SETD7: variants seen among roughly 807,000 people sequenced by gnomAD.
The protein encoded by SETD7 is histone-lysine N-methyltransferase SETD7.
A neutral mutation model predicts 41.8 loss-of-function variants in SETD7; 16 were observed. That is an observed-to-expected ratio of 0.38 (90% CI 0.26 to 0.58). The LOEUF (loss-of-function observed/expected upper bound fraction) is 0.58, where lower values mean the gene tolerates loss of function less well. Ranked by LOEUF, SETD7 falls within the 20% of genes least tolerant of loss-of-function variation. SETD7 has a pLI of 0.64. For synonymous variants in SETD7, 163 were observed against 169.7 expected, an observed-to-expected ratio of 0.96 and a Z score of 0.31; for missense variants, 346 against 459.7, an observed-to-expected ratio of 0.75 and a Z score of 2.26.
At chr4:139,533,973 G>GTATGTATGTATGTATGTATGTATA (rs1404500627) in intron 2 of SETD7, among the ~76,000 whole-genome samples, 19 of 151,814 alleles carry the variant, frequency 1.3e-4, no homozygotes, top group Non-Finnish European at 2.5e-4. Flanking sequence ...ATCTATGTAT[G>GTATGTATGTATGTATGTATGTATA]TATGTATGTA....
intron 1 of SETD7, among the ~76,000 whole-genome samples, chr4:139,551,586 C>T (rs964165994): frequency 1.3e-5 from 2 of 151,966 alleles, no homozygotes; most frequent in Admixed American, 6.6e-5. Context: ...AGTAAATTCC[C>T]TCTGGATCAG....
rs141988823 is a variant in SETD7, at chr4:139,523,358, C to T, written c.640G>A (p.Glu214Lys). The T allele has an allele frequency of 2.7e-3, 4,273 of 1,609,534 alleles. 12 individuals are homozygous for T. Among genetic ancestry groups the T allele is most frequent in the Middle Eastern group, 5.8e-3 (35 of 6,056 alleles). ...AAACCCCAAGGAGGAAATTACCTTT[C>T]TGATTCATAAGGATCTGGAAGAAGA... The part of the protein sequence containing the change: ...NALLPDPYES[E>K]RVYVAESLIS... Residue 214 changes from glutamate (E) to lysine (K), a missense_variant, in exon 5 of 8, where the codon GAA (glutamate) becomes AAA (lysine). By Grantham distance (56) the Glu-to-Lys change is moderately conservative. This residue lies in a region of SETD7 where 266 missense variants were observed against 377.0 expected (regional missense o/e 0.71). Coordinates refer to ENST00000274031, the MANE Select transcript of SETD7 (RefSeq NM_030648.4).
At chr4:139,533,991 ATATC>A (rs1353161915) in intron 2 of SETD7, among the ~76,000 whole-genome samples, 1 of 150,752 alleles carries the variant, frequency 6.6e-6, no homozygotes, top group Non-Finnish European at 1.5e-5. Flanking sequence ...GTATGTATGT[ATATC>A]TATGTATATA....
chr4:139,511,678 G>A lies in SETD7; in HGVS notation c.1086C>T (p.Ala362=). The change falls in exon 8 of 8, where the codon GCC becomes GCT. Residue 362 remains alanine, a synonymous_variant. Transcript: ENST00000274031. ...GCCAGGCCTTTCACTTTTGCTGGGT[G>A]GCCTGGAAGGCCTTCAGCTCCACCT... is the stretch of plus-strand genomic sequence containing the variant. ...WYQVELKAFQ[A]TQQK is the part of the protein sequence containing the mutation. 1 of 1,613,330 alleles carries A rather than the reference G, an allele frequency of 6.2e-7. No individual in the cohort carries two copies. Among genetic ancestry groups the A allele is most frequent in the Non-Finnish European group, 8.5e-7 (1 of 1,179,798 alleles).
intron 1 of SETD7, among the ~76,000 whole-genome samples, chr4:139,550,329 A>G (rs1459117979): frequency 6.6e-6 from 1 of 152,196 alleles, no homozygotes; most frequent in Non-Finnish European, 1.5e-5. Context: ...ACTCCCTATC[A>G]TTCTGAAGGC....
At chr4:139,524,753 G>A (rs1336655514) in intron 4 of SETD7, among the ~76,000 whole-genome samples, 3 of 152,158 alleles carry the variant, frequency 2.0e-5, no homozygotes, top group Non-Finnish European at 4.4e-5. Flanking sequence ...TGAATGGATT[G>A]GATCTGAGAG....
intron 1 of SETD7, 104 bp from the exon 2 acceptor site, chr4:139,547,153 C>G: frequency 7.0e-7 from 1 of 1,422,974 alleles, no homozygotes. Flanking sequence ...ACCCAACTCC[C>G]CTCCAGCTGC....
At chr4:139,495,792 T>C (rs1726443384), downstream of SETD7, 1 of 152,244 alleles carries the variant, frequency 6.6e-6, no homozygotes, top group African/African-American at 2.4e-5. Context: ...TGTTTAATGA[T>C]CTCTGATATA....
intron 2 of SETD7, among the ~76,000 whole-genome samples, chr4:139,545,189 C>CT (rs368265854): frequency 3.4e-4 from 51 of 148,512 alleles, no homozygotes; most frequent in East Asian, 5.9e-4. Context: ...GTGATACCAA[C>CT]TTTTTTTTTT....
chr4:139,525,585 G>T (rs1018119927), intron 4 of SETD7, among the ~76,000 whole-genome samples: 2 of 152,306 alleles, frequency 1.3e-5, no homozygotes, highest in African/African-American at 4.8e-5. Context: ...AGTGGCATAG[G>T]TGAGAAACTC....
Position 139,523,429 on chromosome 4 carries a change from A to G in SETD7, c.569T>C (p.Val190Ala). ...PHFELMPGNS[V>A]YHFDKSTSSC... ...TGAAGTCGACTTATCAAAGTGGTAC[A>G]CTGAATCTGAAAAGCAAACAAAAAT... Residue 190 changes from valine (V) to alanine (A), a missense_variant, in exon 5 of 8, where the codon GTG becomes GCG. Val to Ala is a moderately conservative substitution (Grantham distance 64, BLOSUM62 0). This residue lies in a region of SETD7 where 266 missense variants were observed against 377.0 expected (regional missense o/e 0.71). Transcript: ENST00000274031. 3.1e-6 allele frequency: 5 copies of G among 1,611,884 alleles called. No homozygotes were observed. Among genetic ancestry groups the G allele is most frequent in the South Asian group, 1.1e-5 (1 of 90,882 alleles).
chr4:139,530,157 C>T (rs1374663726), intron 3 of SETD7, among the ~76,000 whole-genome samples: 2 of 151,888 alleles, frequency 1.3e-5, no homozygotes, highest in African/African-American at 2.4e-5. Context: ...TTCTTTCTTT[C>T]TTTCTTTTTT....
intron 3 of SETD7, among the ~76,000 whole-genome samples, chr4:139,532,225 T>C (rs1727500555): frequency 6.6e-6 from 1 of 152,208 alleles, no homozygotes; most frequent in African/African-American, 2.4e-5. Flanking sequence ...GTGGATTGCT[T>C]GAGCCCAGGA....
Position 139,511,582 on chromosome 4 carries a change from C to A in SETD7, c.*81G>T, listed in dbSNP as rs574124605. 1 of 1,598,102 alleles carries A rather than the reference C, an allele frequency of 6.3e-7. No homozygotes were observed. The highest frequency in any genetic ancestry group is 1.1e-5 in the South Asian group (1 of 87,984). On this transcript the variant is annotated 3_prime_UTR_variant, in exon 8 of 8. Transcript: ENST00000274031. The stretch of plus-strand genomic sequence containing the variant: ...TGTGACGTCACAGCATGAGCAGTCC[C>A]TGGTTGTCCCATTGTCAGATAAACG...
chr4:139,500,380 C>T (rs867945976), intron 7 of SETD7, among the ~76,000 whole-genome samples: 1 of 152,178 alleles, frequency 6.6e-6, no homozygotes, highest in South Asian at 2.1e-4. Context: ...TCCTTTTACA[C>T]GTGGGAGGAA....
At chr4:139,517,774 C>A in intron 7 of SETD7, 111 bp downstream of exon 7, 1 of 1,162,610 alleles carries the variant, frequency 8.6e-7, no homozygotes, top group Non-Finnish European at 1.2e-6. Context: ...GACCCATGGT[C>A]ATTCAGATGA....
At chr4:139,544,290 C>CTAAAATAAAATAAAA (rs56306311) in intron 2 of SETD7, among the ~76,000 whole-genome samples, 1,404 of 136,152 alleles carry the variant, frequency 0.01, 31 homozygotes, top group African/African-American at 0.037. Context: ...GAGAACCCAT[C>CTAAAATAAAATAAAA]TAAAATAAAA....
chr4:139,547,107 C>T (rs888327168), intron 1 of SETD7, 58 bp from the exon 2 acceptor site: 98 of 1,589,932 alleles, frequency 6.2e-5, no homozygotes, highest in South Asian at 1.4e-4. Context: ...TCCCATCTGA[C>T]GTCTAAGCAT....
chr4:139,519,730 T>C (rs1727127531), intron 6 of SETD7, among the ~76,000 whole-genome samples: 1 of 152,240 alleles, frequency 6.6e-6, no homozygotes, highest in Non-Finnish European at 1.5e-5. Context: ...ATTGAACTTT[T>C]GCCCTTAGGC....
Sources: gnomAD v4.1 joint callset for allele counts (sites outside exome capture counted in the v4.1 genomes callset) on GRCh38, gnomAD v4.1.1 for gene constraint, gnomAD v4.1.1 regional missense constraint, MANE v1.5 for transcripts, NCBI Gene and HGNC (gene_info 2026-07-23, HGNC 2026-07-21) for gene names.